Variants in ELMO1 observed in about 807,000 individuals in gnomAD.
ELMO1 encodes engulfment and cell motility 1.
Under a neutral mutation model 98.9 loss-of-function variants are expected in ELMO1, and 26 were observed. The observed-to-expected ratio is 0.26, with a 90% CI of 0.19 to 0.36. The LOEUF (loss-of-function observed/expected upper bound fraction) is 0.36, where lower values mean the gene tolerates loss of function less well. Ranked by LOEUF, ELMO1 falls within the 10% of genes least tolerant of loss-of-function variation. The probability of loss-of-function intolerance (pLI) is 1.00; values close to 1 mark genes in which losing one functional copy is unlikely to be tolerated. For missense variants in ELMO1, 627 were observed against 935.2 expected, an observed-to-expected ratio of 0.67 and a Z score of 4.30; for synonymous variants, 346 against 346.0, an observed-to-expected ratio of 1.00 and a Z score of 0.00.
chr7:37,197,596 T>C (rs190502742), intron 13 of ELMO1, among the ~76,000 whole-genome samples: 82 of 152,094 alleles, frequency 5.4e-4, no homozygotes, highest in Non-Finnish European at 5.1e-4. Context: ...AGGATAAAGA[T>C]AGAAGGCATG....
chr7:37,109,074 A>G (rs1785093448), intron 14 of ELMO1, among the ~76,000 whole-genome samples: 1 of 152,188 alleles, frequency 6.6e-6, no homozygotes, highest in Non-Finnish European at 1.5e-5. Context: ...CAGAACCCAG[A>G]GGCTACTCAG....
chr7:37,437,251 A>C (rs1805189356), intron 1 of ELMO1, among the ~76,000 whole-genome samples: 2 of 152,228 alleles, frequency 1.3e-5, no homozygotes, highest in African/African-American at 2.4e-5. Flanking sequence ...AATCAAGAAA[A>C]GGGAAAGAGC....
Position 37,318,117 on chromosome 7 carries a change from T to C in ELMO1, c.79-2157A>G, listed in dbSNP as rs117256870. 8.6e-4 allele frequency among the ~76,000 whole-genome samples: 131 copies of C among 152,340 alleles called. 1 individual carries two copies. In the East Asian group the frequency reaches 0.023, roughly 26 times the overall value. On this transcript the variant is annotated intron_variant, in intron 2 of 21. Transcript: ENST00000310758. ...AATTGGGTTCTACTGTAGTTACATG[T>C]TACATAAGTCCTAGGCCTTTGCAAG...
intron 14 of ELMO1, among the ~76,000 whole-genome samples, chr7:37,132,764 T>G (rs926615604): frequency 5.9e-5 from 9 of 152,210 alleles, no homozygotes; most frequent in African/African-American, 2.2e-4. Context: ...TATCTTATTG[T>G]TCCTCCAGTG....
At chr7:37,273,254 A>G (rs1471978828) in intron 4 of ELMO1, among the ~76,000 whole-genome samples, 1 of 152,164 alleles carries the variant, frequency 6.6e-6, no homozygotes, top group Middle Eastern at 3.2e-3. Flanking sequence ...TCTCATCTTC[A>G]ATTGTAATCC....
chr7:37,377,726 T>C (rs1035087549), intron 1 of ELMO1, among the ~76,000 whole-genome samples: 1 of 152,092 alleles, frequency 6.6e-6, no homozygotes, highest in African/African-American at 2.4e-5. Context: ...GCAGAACCTC[T>C]GAGAAATTCA....
At chr7:37,205,484 C>T (rs28446507) in intron 13 of ELMO1, among the ~76,000 whole-genome samples, 14,124 of 152,096 alleles carry the variant, frequency 0.093, 860 homozygotes, top group East Asian at 0.2. Flanking sequence ...CATATATTTT[C>T]GTATTTTTTC....
At chr7:37,251,237 G>A (rs1054030516) in intron 6 of ELMO1, among the ~76,000 whole-genome samples, 4 of 152,030 alleles carry the variant, frequency 2.6e-5, no homozygotes, top group Non-Finnish European at 2.9e-5. Context: ...TTTGTTTCTG[G>A]AAACACTGTC....
intron 1 of ELMO1, among the ~76,000 whole-genome samples, chr7:37,384,733 A>AG (rs1408500135): frequency 1.3e-5 from 2 of 152,016 alleles, no homozygotes; most frequent in Non-Finnish European, 2.9e-5. Context: ...AAAAAAAAAA[A>AG]GAACTTTCCA....
chr7:36,922,185 G>A (rs1011935650), intron 16 of ELMO1, among the ~76,000 whole-genome samples: 7 of 151,964 alleles, frequency 4.6e-5, no homozygotes, highest in African/African-American at 1.7e-4. Flanking sequence ...ATTGAATGAC[G>A]CTATTTTTGA....
intron 18 of ELMO1, among the ~76,000 whole-genome samples, chr7:36,885,044 G>C (rs1804829895): frequency 6.6e-6 from 1 of 152,176 alleles, no homozygotes; most frequent in African/African-American, 2.4e-5. Flanking sequence ...GGAATGTTTT[G>C]ATGGGGTGAT....
At chr7:37,346,019 G>T (rs976973806) in intron 1 of ELMO1, among the ~76,000 whole-genome samples, 1 of 151,804 alleles carries the variant, frequency 6.6e-6, no homozygotes, top group Non-Finnish European at 1.5e-5. Flanking sequence ...CATCTGAGAG[G>T]TGAGGATGGG....
At chr7:37,265,714 T>C (rs1038235364) in intron 5 of ELMO1, among the ~76,000 whole-genome samples, 1 of 152,068 alleles carries the variant, frequency 6.6e-6, no homozygotes, top group Non-Finnish European at 1.5e-5. Flanking sequence ...CTCACCTGGC[T>C]TCTTGCTAGG....
At chr7:37,181,644 G>A (rs528550140) in intron 13 of ELMO1, among the ~76,000 whole-genome samples, 1 of 152,154 alleles carries the variant, frequency 6.6e-6, no homozygotes, top group Non-Finnish European at 1.5e-5. Context: ...GTCAAAAAAA[G>A]AAAGCAGGAA....
chr7:37,097,803 T>G (rs144572422), intron 14 of ELMO1, among the ~76,000 whole-genome samples: 2 of 152,178 alleles, frequency 1.3e-5, no homozygotes, highest in Non-Finnish European at 2.9e-5. Flanking sequence ...CTAGAAGTGT[T>G]TGAGACTGGT....
intron 16 of ELMO1, among the ~76,000 whole-genome samples, chr7:36,970,925 A>C (rs965449187): frequency 3.3e-5 from 5 of 152,198 alleles, no homozygotes; most frequent in African/African-American, 1.2e-4. Context: ...AGAGGCCAGG[A>C]GCCTTGCCAT....
intron 1 of ELMO1, among the ~76,000 whole-genome samples, chr7:37,420,960 CT>C (rs1804447251): frequency 6.6e-6 from 1 of 152,220 alleles, no homozygotes; most frequent in Non-Finnish European, 1.5e-5. Context: ...AGTCTACACA[CT>C]TGTATCTGAT....
At chr7:37,245,020 A>G (rs1794927572) in intron 6 of ELMO1, among the ~76,000 whole-genome samples, 1 of 152,218 alleles carries the variant, frequency 6.6e-6, no homozygotes. Flanking sequence ...CAAGTGTTTC[A>G]AAACTGGCCA....
chr7:37,055,403 CA>C (rs1796341573), intron 15 of ELMO1, among the ~76,000 whole-genome samples: 1 of 152,152 alleles, frequency 6.6e-6, no homozygotes, highest in Non-Finnish European at 1.5e-5. Context: ...AGGAGACAAA[CA>C]AAGACTCCTG....
Sources: gnomAD v4.1 joint callset for allele counts (sites outside exome capture counted in the v4.1 genomes callset) on GRCh38, gnomAD v4.1.1 for gene constraint, MANE v1.5 for transcripts, NCBI Gene and HGNC (gene_info 2026-07-23, HGNC 2026-07-21) for gene names.